Variants in SNRPN observed in about 807,000 individuals in gnomAD.
The protein encoded by SNRPN is small nuclear ribonucleoprotein polypeptide N.
Under a neutral mutation model 25.2 loss-of-function variants are expected in SNRPN, and 7 were observed. The ratio of observed to expected loss-of-function variants is 0.28; its 90% CI spans 0.16 to 0.52. SNRPN has a LOEUF of 0.52. SNRPN is among the 20% of genes least tolerant of loss of function. The pLI is 0.96. For synonymous variants in SNRPN, 124 were observed against 110.6 expected (o/e 1.12, Z -0.76); for missense variants, 196 against 322.5 (o/e 0.61, Z 3.00).
At chr15:24,957,677 T>C (rs1022528485) in intron 1 of SNRPN, among the ~76,000 whole-genome samples, 1 of 152,202 alleles carries the variant, frequency 6.6e-6, no homozygotes, top group African/African-American at 2.4e-5. Context: ...AATAATCTAT[T>C]TTTGGGTAGT....
chr15:24,847,280 A>G (rs2052291096), intron 2 of SNRPN, among the ~76,000 whole-genome samples: 1 of 151,946 alleles, frequency 6.6e-6, no homozygotes, highest in Non-Finnish European at 1.5e-5. Flanking sequence ...AAGAGGCGGG[A>G]AAAAAAAGGT....
At chr15:24,964,934 A>G (rs757949454) in intron 2 of SNRPN, among the ~76,000 whole-genome samples, 4 of 152,174 alleles carry the variant, frequency 2.6e-5, no homozygotes, top group Non-Finnish European at 5.9e-5. Context: ...CACTGCATAT[A>G]TATGTACAAA....
At chr15:24,902,359 A>G (rs1338564423) in intron 2 of SNRPN, among the ~76,000 whole-genome samples, 1 of 152,230 alleles carries the variant, frequency 6.6e-6, no homozygotes, top group Non-Finnish European at 1.5e-5. Flanking sequence ...TAGAGGAAGA[A>G]AATTATGACT....
upstream of SNRPN, among the ~76,000 whole-genome samples, chr15:24,949,988 C>T (rs1457522035): frequency 6.6e-6 from 1 of 151,698 alleles, no homozygotes; most frequent in Non-Finnish European, 1.5e-5. Context: ...CTATGCCTAA[C>T]TAATTAAAAA....
chr15:24,880,159 A>G (rs1261745834), intron 1 of SNRPN, among the ~76,000 whole-genome samples: 1 of 152,182 alleles, frequency 6.6e-6, no homozygotes, highest in Non-Finnish European at 1.5e-5. Context: ...TGGCAGAGAA[A>G]GGTTTTCCCA....
At chr15:24,963,277 GT>G (rs2075123839) in intron 2 of SNRPN, among the ~76,000 whole-genome samples, 1 of 152,258 alleles carries the variant, frequency 6.6e-6, no homozygotes, top group South Asian at 2.1e-4. Flanking sequence ...TATTTAGTTT[GT>G]TTGCATTGTT....
chr15:24,839,417 G>A (rs1022465564), intron 2 of SNRPN, among the ~76,000 whole-genome samples: 8 of 152,136 alleles, frequency 5.3e-5, no homozygotes, highest in Admixed American at 6.5e-5. Context: ...ATCCACAAGC[G>A]TGCATATTTT....
upstream of SNRPN, chr15:24,954,882 T>G (rs998074584): frequency 3.2e-6 from 3 of 944,432 alleles, no homozygotes; most frequent in Non-Finnish European, 4.8e-6. Flanking sequence ...CTGGGACCCC[T>G]GCACTGCGGC....
chr15:24,964,486 G>T (rs1566962173), intron 2 of SNRPN, among the ~76,000 whole-genome samples: 2 of 152,018 alleles, frequency 1.3e-5, no homozygotes, highest in Admixed American at 6.6e-5. Flanking sequence ...TAGAGACAGG[G>T]TTTCTCCATG....
chr15:24,976,157 T>A lies in SNRPN; in HGVS notation c.156-148T>A, dbSNP rs2077037952. The A allele has an allele frequency of 9.1e-6, 6 of 659,376 alleles. No individual in the cohort carries two copies. The East Asian group carries it at 1.6e-4, about 18-fold the overall frequency. The allele number at this position is 659,376 out of a possible 1,614,324, so 40.8% of individuals were successfully genotyped here. On this transcript the variant is annotated intron_variant, in intron 5 of 9. Transcript: ENST00000390687. The stretch of plus-strand genomic sequence containing the variant: ...TTTACCCTTGTATATTAACTGTGTT[T>A]ACAGATATTTTTTGGCTTGTTTTTC...
rs762075573 is a variant in SNRPN at position 24,918,416 on chromosome 15, A to G, written c.-504-1595A>G. Among the ~76,000 whole-genome samples the G allele has an allele frequency of 2.7e-3, 160 of 59,924 alleles. 3 individuals carry two copies. The highest frequency in any genetic ancestry group is 0.01 in the South Asian group (14 of 1,376). 39.3% of individuals were successfully genotyped at this position (59,924 alleles called of 152,430 possible). ...TGTGTATATATATAACATAATATAT[A>G]TGTGTATATATAACATAATATATAT... is the stretch of plus-strand genomic sequence containing the variant. On this transcript the variant is annotated intron_variant, in intron 2 of 11. Coordinates refer to the SNRPN transcript ENST00000400097.
intron 2 of SNRPN, among the ~76,000 whole-genome samples, chr15:24,902,403 A>T (rs1277487981): frequency 6.7e-6 from 1 of 150,358 alleles, no homozygotes; most frequent in East Asian, 1.9e-4. Flanking sequence ...ACTTAAAAAA[A>T]TATATATCAG....
At chr15:24,947,891 C>T (rs1226498435) in intron 3 of SNRPN, among the ~76,000 whole-genome samples, 1 of 151,926 alleles carries the variant, frequency 6.6e-6, no homozygotes, top group Non-Finnish European at 1.5e-5. Flanking sequence ...CTACCACTCA[C>T]TTTTCTGCTA....
chr15:24,909,181 T>C, intron 2 of SNRPN: 4 of 1,447,850 alleles, frequency 2.8e-6, no homozygotes, highest in Non-Finnish European at 3.9e-6. Flanking sequence ...CATTTTCATC[T>C]TCTTCCATTA....
chr15:24,838,957 AC>A (rs142752337), intron 2 of SNRPN, among the ~76,000 whole-genome samples: 4 of 151,902 alleles, frequency 2.6e-5, no homozygotes, highest in Admixed American at 6.6e-5. Context: ...ACCACAAACC[AC>A]CCCCAAGAAC....
intron 2 of SNRPN, among the ~76,000 whole-genome samples, chr15:24,891,110 T>C (rs1179063698): frequency 6.6e-6 from 1 of 151,994 alleles, no homozygotes; most frequent in Non-Finnish European, 1.5e-5. Flanking sequence ...GGGATCTTGC[T>C]ATGTTGGCCA....
chr15:24,966,075 G>A (rs1241482575), intron 2 of SNRPN, among the ~76,000 whole-genome samples: 1 of 152,050 alleles, frequency 6.6e-6, no homozygotes, highest in Middle Eastern at 3.2e-3. Context: ...TGACTACTTG[G>A]AGTTAGTGCA....
chr15:24,832,496 A>G (rs989412465), intron 2 of SNRPN, among the ~76,000 whole-genome samples: 3 of 152,078 alleles, frequency 2.0e-5, no homozygotes, highest in African/African-American at 7.3e-5. Flanking sequence ...GCAGGATTCT[A>G]AAAGTAGCCA....
At chr15:24,962,007 T>G in intron 1 of SNRPN, 107 bp from the exon 2 acceptor site, 1 of 995,094 alleles carries the variant, frequency 1.0e-6, no homozygotes, top group Non-Finnish European at 1.6e-6. Flanking sequence ...TTTAATTAGA[T>G]TTAAAAATCC....
Sources: allele counts gnomAD v4.1 joint callset (sites outside exome capture counted in the v4.1 genomes callset), GRCh38; gene constraint gnomAD v4.1.1; transcripts MANE v1.5; gene names NCBI Gene and HGNC (gene_info 2026-07-23, HGNC 2026-07-21).